The following PHACTR1 variants were observed in gnomAD, a reference collection of about 807,000 sequenced individuals.
The protein encoded by PHACTR1 is RPEL repeat containing 1.
A neutral mutation model predicts 69.2 loss-of-function variants in PHACTR1; 16 were observed. The ratio of observed to expected loss-of-function variants is 0.23; its 90% CI spans 0.16 to 0.35. The LOEUF (loss-of-function observed/expected upper bound fraction) is 0.35. Among genes scored for constraint, PHACTR1 ranks in the 10% least tolerant of loss-of-function variants. The pLI is 1.00. For synonymous variants in PHACTR1, 312 were observed against 284.5 expected (o/e 1.10, Z -0.97); for missense variants, 510 against 734.7 (o/e 0.69, Z 3.54).
intron 6 of PHACTR1, among the ~76,000 whole-genome samples, chr6:13,177,595 C>T (rs1761565310): frequency 6.6e-6 from 1 of 152,164 alleles, no homozygotes; most frequent in Non-Finnish European, 1.5e-5. Context: ...CTTCGGTTAA[C>T]CATGAGGATT....
rs1210711605 is a variant in PHACTR1, at chr6:12,814,555, G to A, written c.250+64765G>A. 4.6e-5 allele frequency among the ~76,000 whole-genome samples: 7 copies of A among 152,320 alleles called. No homozygotes were observed. In the South Asian group the frequency reaches 1.0e-3, roughly 23 times the overall value. On this transcript the variant is annotated intron_variant, in intron 4 of 14. Coordinates refer to ENST00000332995, the MANE Select transcript of PHACTR1 (RefSeq NM_030948.6). ...TTTGCCTAGTTTTGTGTGAACTTGA[G>A]TAAGTCCCTTGCCCCGCAGTTTCCC...
At chr6:13,161,680 C>T (rs1213016806) in intron 6 of PHACTR1, among the ~76,000 whole-genome samples, 11 of 152,156 alleles carry the variant, frequency 7.2e-5, no homozygotes, top group Admixed American at 7.2e-4. Flanking sequence ...TCTGGCGCAT[C>T]TTTCAGACTC....
In PHACTR1 at chr6:13,156,695, G is replaced by A. The variant is rs556956186; in HGVS notation, c.416-3509G>A. 5.9e-5 allele frequency among the ~76,000 whole-genome samples: 9 copies of A among 152,228 alleles called. 1 individual carries two copies. Among genetic ancestry groups the A allele is most frequent in the Non-Finnish European group, 8.8e-5 (6 of 68,010 alleles). On this transcript the variant is annotated intron_variant, in intron 5 of 14. Coordinates refer to ENST00000332995, the MANE Select transcript of PHACTR1 (RefSeq NM_030948.6). ...ACGTCTCTTGGATGTGGCTAGCATC[G>A]AACTTGTCATGCATCCTCCAACCCC... is the stretch of plus-strand genomic sequence containing the variant.
intron 4 of PHACTR1, among the ~76,000 whole-genome samples, chr6:12,862,246 G>A (rs1022618657): frequency 3.3e-5 from 5 of 152,192 alleles, no homozygotes; most frequent in Admixed American, 1.3e-4. Context: ...TATAGGCAGC[G>A]ACAGCACTTG....
intron 6 of PHACTR1, among the ~76,000 whole-genome samples, chr6:13,170,826 C>T (rs16869298): frequency 0.037 from 5,605 of 152,216 alleles, 230 homozygotes; most frequent in African/African-American, 0.096. Context: ...GCCAGCAAGG[C>T]CATGCTTTCA....
intron 4 of PHACTR1, among the ~76,000 whole-genome samples, chr6:13,038,505 A>T (rs928243726): frequency 2.6e-5 from 4 of 151,596 alleles, no homozygotes; most frequent in Non-Finnish European, 5.9e-5. Context: ...AAAAAAAAAA[A>T]AAGGAAGGAC....
At chr6:13,262,775 G>A (rs1776086399) in intron 10 of PHACTR1, among the ~76,000 whole-genome samples, 1 of 152,156 alleles carries the variant, frequency 6.6e-6, no homozygotes, top group Admixed American at 6.5e-5. Context: ...TTGGAGAGAG[G>A]ATCTTATTTT....
intron 10 of PHACTR1, among the ~76,000 whole-genome samples, chr6:13,243,786 T>C (rs1773194208): frequency 6.6e-6 from 1 of 152,208 alleles, no homozygotes; most frequent in Non-Finnish European, 1.5e-5. Context: ...TGCCTGTTGC[T>C]TCCTTTTTTG....
At position 12,928,347 on chromosome 6, in the gene PHACTR1, TGCC is replaced by T. The variant is rs149600232; in HGVS notation, c.251-125017_251-125015del. The stretch of plus-strand genomic sequence containing the variant: ...GGCTGCTGAACGAAACCCCTCAAAA[TGCC>T]CGGCACGTTCAACGTTCATCCCACC... On this transcript the variant is annotated intron_variant, in intron 4 of 14. Coordinates refer to ENST00000332995, the MANE Select transcript of PHACTR1 (RefSeq NM_030948.6). 4.0e-3 allele frequency among the ~76,000 whole-genome samples: 602 copies of T among 152,216 alleles called. 4 individuals carry two copies. The highest frequency in any genetic ancestry group is 0.014 in the African/African-American group (580 of 41,538).
chr6:13,048,374 A>G (rs1374605791), intron 4 of PHACTR1, among the ~76,000 whole-genome samples: 4 of 152,166 alleles, frequency 2.6e-5, no homozygotes, highest in Admixed American at 6.5e-5. Flanking sequence ...CTGTCTTTAC[A>G]TGCTCCATTT....
chr6:12,994,689 T>C (rs1182194189), intron 4 of PHACTR1, among the ~76,000 whole-genome samples: 2 of 152,102 alleles, frequency 1.3e-5, no homozygotes, highest in Non-Finnish European at 2.9e-5. Flanking sequence ...TACTATAATA[T>C]ACAGTTAATA....
At chr6:12,860,682 C>A (rs549914913) in intron 4 of PHACTR1, among the ~76,000 whole-genome samples, 13 of 152,212 alleles carry the variant, frequency 8.5e-5, no homozygotes, top group African/African-American at 3.1e-4. Flanking sequence ...TTTTAATGAT[C>A]GCCATTCTAA....
chr6:12,732,941 T>A (rs1763736825), intron 3 of PHACTR1, among the ~76,000 whole-genome samples: 2 of 152,148 alleles, frequency 1.3e-5, no homozygotes, highest in Admixed American at 1.3e-4. Context: ...CTAGACAGAG[T>A]CTCTGACTAA....
At chr6:12,941,116 C>T (rs763497039) in intron 4 of PHACTR1, among the ~76,000 whole-genome samples, 17 of 152,162 alleles carry the variant, frequency 1.1e-4, no homozygotes, top group Admixed American at 5.9e-4. Context: ...CAGTGAGGCT[C>T]AGGGTCAAGG....
intron 4 of PHACTR1, among the ~76,000 whole-genome samples, chr6:12,949,209 G>C (rs1791004706): frequency 6.7e-6 from 1 of 149,924 alleles, no homozygotes; most frequent in Non-Finnish European, 1.5e-5. Flanking sequence ...GGCGGAGATT[G>C]TGGTGACCCA....
At chr6:12,899,197 G>A (rs984253337) in intron 4 of PHACTR1, among the ~76,000 whole-genome samples, 1 of 152,104 alleles carries the variant, frequency 6.6e-6, no homozygotes, top group African/African-American at 2.4e-5. Context: ...CTTACAGGAG[G>A]GGCCAAATCT....
chr6:12,858,783 TA>T (rs199776775), intron 4 of PHACTR1, among the ~76,000 whole-genome samples: 7 of 146,814 alleles, frequency 4.8e-5, no homozygotes, highest in South Asian at 2.3e-4. Flanking sequence ...TTATTTTTCT[TA>T]AAAAAAAGAG....
chr6:12,756,629 A>G (rs536252121), intron 4 of PHACTR1, among the ~76,000 whole-genome samples: 2 of 152,344 alleles, frequency 1.3e-5, no homozygotes, highest in African/African-American at 4.8e-5. Flanking sequence ...TAGGCTTTCT[A>G]TTGATCCTTG....
At chr6:12,863,284 C>G (rs541825049) in intron 4 of PHACTR1, among the ~76,000 whole-genome samples, 1 of 152,192 alleles carries the variant, frequency 6.6e-6, no homozygotes, top group Admixed American at 6.5e-5. Flanking sequence ...CCCTTGAGGG[C>G]CCTCTTCCTG....
Sources: gnomAD v4.1 joint callset for allele counts (sites outside exome capture counted in the v4.1 genomes callset) on GRCh38, gnomAD v4.1.1 for gene constraint, MANE v1.5 for transcripts, NCBI Gene and HGNC (gene_info 2026-07-23, HGNC 2026-07-21) for gene names.